The following SDC2 variants were observed in gnomAD, a reference collection of about 807,000 sequenced individuals.
SDC2 encodes the protein syndecan-2.
A neutral mutation model predicts 22.2 loss-of-function variants in SDC2; 13 were observed. The observed-to-expected ratio is 0.59, with a 90% CI of 0.38 to 0.93. The LOEUF (loss-of-function observed/expected upper bound fraction) is 0.93, where lower values mean the gene tolerates loss of function less well. Ranked by LOEUF, SDC2 falls within the 40% of genes least tolerant of loss-of-function variation. The probability of loss-of-function intolerance (pLI) is 0.00; values close to 1 mark genes in which losing one functional copy is unlikely to be tolerated. For missense variants in SDC2, 235 were observed against 246.8 expected, an observed-to-expected ratio of 0.95 and a Z score of 0.32; for synonymous variants, 94 against 92.8, an observed-to-expected ratio of 1.01 and a Z score of -0.07.
intron 1 of SDC2, among the ~76,000 whole-genome samples, chr8:96,495,341 G>C (rs963080867): frequency 1.9e-4 from 29 of 152,350 alleles, no homozygotes; most frequent in African/African-American, 6.5e-4. Flanking sequence ...GTCGCGCTTC[G>C]GGGGCTGGAG....
intron 1 of SDC2, among the ~76,000 whole-genome samples, chr8:96,517,770 C>CAT (rs1467161864): frequency 1.4e-5 from 1 of 73,260 alleles, no homozygotes; most frequent in East Asian, 2.6e-4. Flanking sequence ...TGTGTGTGTG[C>CAT]ATGTGTGTGT....
intron 1 of SDC2, among the ~76,000 whole-genome samples, chr8:96,530,690 T>TA (rs1813647423): frequency 1.3e-5 from 2 of 152,208 alleles, no homozygotes; most frequent in African/African-American, 4.8e-5. Flanking sequence ...TTTCTTTATA[T>TA]AACATTTTAG....
chr8:96,573,534 A>C (rs1315733675), intron 1 of SDC2, among the ~76,000 whole-genome samples: 1 of 152,084 alleles, frequency 6.6e-6, no homozygotes, highest in Non-Finnish European at 1.5e-5. Flanking sequence ...TTGCTCTACG[A>C]GGACAGCAGC....
intron 1 of SDC2, among the ~76,000 whole-genome samples, chr8:96,517,051 AT>A (rs1224687677): frequency 6.6e-6 from 1 of 152,202 alleles, no homozygotes; most frequent in Non-Finnish European, 1.5e-5. Context: ...ACCATTTTAC[AT>A]TCCCACCAGC....
intron 1 of SDC2, among the ~76,000 whole-genome samples, chr8:96,507,762 C>T (rs903404201): frequency 2.0e-5 from 3 of 152,174 alleles, no homozygotes; most frequent in Non-Finnish European, 4.4e-5. Flanking sequence ...TATGTCAGTG[C>T]CTTCCAGGAG....
intron 1 of SDC2, among the ~76,000 whole-genome samples, chr8:96,533,845 G>A (rs892803925): frequency 1.7e-4 from 26 of 152,318 alleles, no homozygotes; most frequent in East Asian, 7.7e-4. Flanking sequence ...CGGTGTGCCC[G>A]CACTCCTCAG....
chr8:96,513,607 T>C (rs1813359732), intron 1 of SDC2, among the ~76,000 whole-genome samples: 1 of 152,216 alleles, frequency 6.6e-6, no homozygotes, highest in Admixed American at 6.5e-5. Flanking sequence ...TTTTCTTTTA[T>C]TGGAAATTTT....
rs1210502636 is a variant in SDC2, at chr8:96,576,399, A to G, written c.61-17081A>G. Reference sequence around the variant, plus strand: ...GTTTTGTTTTGTTTTTTTTTACCAGATTTGCTTTATTATTCTCTTTTTTTT... The same window carrying G: ...GTTTTGTTTTGTTTTTTTTTACCAGGTTTGCTTTATTATTCTCTTTTTTTT... On this transcript the variant is annotated intron_variant, in intron 1 of 4. Transcript: ENST00000302190. 2.2e-3 allele frequency among the ~76,000 whole-genome samples: 40 copies of G among 18,070 alleles called. 2 individuals are homozygous for G. Among genetic ancestry groups the G allele is most frequent in the East Asian group, 0.018 (30 of 1,686 alleles). 11.9% of individuals were successfully genotyped at this position (18,070 alleles called of 152,430 possible).
intron 1 of SDC2, among the ~76,000 whole-genome samples, chr8:96,560,759 C>G (rs1381145706): frequency 6.6e-6 from 1 of 151,990 alleles, no homozygotes; most frequent in Non-Finnish European, 1.5e-5. Context: ...GTTCATGGAT[C>G]TTTAAAACTA....
intron 1 of SDC2, among the ~76,000 whole-genome samples, chr8:96,514,608 A>G (rs1227677559): frequency 1.3e-5 from 2 of 152,080 alleles, no homozygotes; most frequent in African/African-American, 2.4e-5. Context: ...ATGGTCCCCA[A>G]CCTTTCTGGC....
intron 1 of SDC2, among the ~76,000 whole-genome samples, chr8:96,546,721 T>C (rs560038931): frequency 9.6e-4 from 147 of 152,332 alleles, no homozygotes; most frequent in Non-Finnish European, 1.7e-3. Context: ...TTACTAGTTA[T>C]TGCTATCAAG....
At chr8:96,514,135 C>T (rs1813368575) in intron 1 of SDC2, among the ~76,000 whole-genome samples, 3 of 152,156 alleles carry the variant, frequency 2.0e-5, no homozygotes, top group African/African-American at 7.2e-5. Flanking sequence ...TCTCTATTTG[C>T]CAAAGTTAGG....
chr8:96,537,727 C>T (rs539563632), intron 1 of SDC2, among the ~76,000 whole-genome samples: 76 of 152,210 alleles, frequency 5.0e-4, no homozygotes, highest in African/African-American at 1.7e-3. Flanking sequence ...TTTGTAGGCC[C>T]ATGAATATGA....
At chr8:96,544,128 A>G (rs907901229) in intron 1 of SDC2, among the ~76,000 whole-genome samples, 1 of 152,044 alleles carries the variant, frequency 6.6e-6, no homozygotes, top group Non-Finnish European at 1.5e-5. Flanking sequence ...TTCTTTTACA[A>G]TTGCTTTTCT....
chr8:96,526,655 C>T (rs1813583300), intron 1 of SDC2, among the ~76,000 whole-genome samples: 1 of 150,232 alleles, frequency 6.7e-6, no homozygotes, highest in South Asian at 2.1e-4. Flanking sequence ...TGAAAAGAGG[C>T]CTTTGGTTTT....
intron 1 of SDC2, among the ~76,000 whole-genome samples, chr8:96,526,418 C>A (rs779746292): frequency 6.6e-6 from 1 of 151,536 alleles, no homozygotes; most frequent in Non-Finnish European, 1.5e-5. Context: ...GGCATATTTC[C>A]AGTAAGTGGA....
At chr8:96,519,637 T>C (rs552824100) in intron 1 of SDC2, among the ~76,000 whole-genome samples, 54 of 152,172 alleles carry the variant, frequency 3.5e-4, no homozygotes, top group Non-Finnish European at 6.9e-4. Flanking sequence ...TTTAATTATT[T>C]TTTAGAAGTA....
chr8:96,564,282 G>A (rs886949000), intron 1 of SDC2, among the ~76,000 whole-genome samples: 3 of 152,192 alleles, frequency 2.0e-5, no homozygotes, highest in Non-Finnish European at 4.4e-5. Flanking sequence ...AGTCACTGTG[G>A]CCATGGATAC....
intron 3 of SDC2, among the ~76,000 whole-genome samples, chr8:96,605,802 A>C (rs912111383): frequency 4.6e-5 from 7 of 152,208 alleles, no homozygotes; most frequent in African/African-American, 7.2e-5. Context: ...CATACCCTAG[A>C]GTACAAATGG....
Sources: gnomAD v4.1 joint callset for allele counts (sites outside exome capture counted in the v4.1 genomes callset) on GRCh38, gnomAD v4.1.1 for gene constraint, MANE v1.5 for transcripts, NCBI Gene and HGNC (gene_info 2026-07-23, HGNC 2026-07-21) for gene names.